IFI30: variants seen among roughly 807,000 people sequenced by gnomAD.
IFI30 encodes IFI30 lysosomal thiol reductase, also known as gamma-interferon-inducible lysosomal thiol reductase.
A neutral mutation model predicts 30.1 loss-of-function variants in IFI30; 26 were observed. The observed-to-expected ratio is 0.87, with a 90% CI of 0.63 to 1.20. The LOEUF (loss-of-function observed/expected upper bound fraction) is 1.20. Ranked by LOEUF, IFI30 falls within the 50% of genes most tolerant of loss-of-function variation. The probability of loss-of-function intolerance (pLI) is 0.00; values close to 1 mark genes in which losing one functional copy is unlikely to be tolerated. For missense variants in IFI30, 296 were observed against 312.5 expected (o/e 0.95, Z 0.40); for synonymous variants, 149 against 134.5 (o/e 1.11, Z -0.75).
rs71336666 is a variant in IFI30 at position 18,176,141 on chromosome 19, C to CTTT, written c.483+473_483+475dup. On this transcript the variant is annotated intron_variant, in intron 4 of 6. Transcript: ENST00000407280. ...CAGGCGTGAGCCACCGCACCCAGCC[C>CTTT]TTTTTTTTTTTTTTTTTTTTTTTTT... Among the ~76,000 whole-genome samples the CTTT allele has an allele frequency of 1.7e-3, 97 of 56,450 alleles. 9 individuals carry two copies. The highest frequency in any genetic ancestry group is 8.8e-3 in the East Asian group (21 of 2,396). 37.0% of individuals were successfully genotyped at this position (56,450 alleles called of 152,430 possible).
intron 4 of IFI30, among the ~76,000 whole-genome samples, chr19:18,176,669 G>A (rs1967273448): frequency 1.3e-5 from 2 of 152,176 alleles, no homozygotes; most frequent in African/African-American, 4.8e-5. Flanking sequence ...TCCCAGAGAA[G>A]TGACTCATTG....
At chr19:18,177,411 G>A in intron 5 of IFI30, 119 bp downstream of exon 5, 6 of 1,146,726 alleles carry the variant, frequency 5.2e-6, no homozygotes, top group Non-Finnish European at 6.1e-6. Flanking sequence ...CTGAGATCAT[G>A]CCACTGCACT....
chr19:18,175,653 G>A lies in IFI30; in HGVS notation c.439G>A (p.Val147Ile), dbSNP rs959329124. The A allele has an allele frequency of 1.2e-6, 2 of 1,610,666 alleles. No homozygotes were observed. The highest frequency in any genetic ancestry group is 1.7e-6 in the Non-Finnish European group (2 of 1,178,580). The change falls in exon 4 of 7, where the codon GTC (valine) becomes ATC (isoleucine). Residue 147 changes from valine to isoleucine, a missense_variant. Coordinates refer to ENST00000407280, the MANE Select transcript of IFI30 (RefSeq NM_006332.5). ...LDMELAFLTIVCMEEFEDMER... is the reference protein window; with the variant it reads ...LDMELAFLTIICMEEFEDMER... The stretch of plus-strand genomic sequence containing the variant: ...CATGGAGCTAGCCTTCCTGACCATT[G>A]TCTGCATGGAAGAGTTTGAGGACAT...
intron 1 of IFI30, chr19:18,174,418 T>A (rs1438513050): frequency 1.9e-5 from 3 of 160,554 alleles, no homozygotes; most frequent in African/African-American, 7.2e-5. Flanking sequence ...CTGAGCGACT[T>A]GCTCACCGCT....
rs149723974 is a variant in IFI30 at position 18,175,706 on chromosome 19, C to G, written c.483+9C>G. ...AGAGAAGTCTGCCACTAGTGAGTGA[C>G]GCCCCTCACTCCACCCAAGGAGGGG... is the stretch of plus-strand genomic sequence containing the variant. On this transcript the variant is annotated intron_variant, in intron 4 of 6. Coordinates refer to ENST00000407280, the MANE Select transcript of IFI30 (RefSeq NM_006332.5). 1 of 1,591,310 alleles carries G rather than the reference C, an allele frequency of 6.3e-7. No homozygotes were observed. Among genetic ancestry groups the G allele is most frequent in the Non-Finnish European group, 8.6e-7 (1 of 1,166,966 alleles).
In IFI30 at chr19:18,173,965, A is replaced by C. The variant is rs1168896944; in HGVS notation, c.124A>C (p.Asn42His). ...LDFFGNGPPV[N>H]YKTGNLYLRG... is the part of the protein sequence containing the mutation. Reference sequence around the variant, plus strand: ...CTTCTTTGGGAATGGGCCACCAGTTAACTACAAGGTAGGGACGGCGACAGG... The same window carrying C: ...CTTCTTTGGGAATGGGCCACCAGTTCACTACAAGGTAGGGACGGCGACAGG... Residue 42 changes from asparagine to histidine, a missense_variant, in exon 1 of 7, where the codon AAC becomes CAC. Asn to His is a moderately conservative substitution (Grantham distance 68, BLOSUM62 1). Coordinates refer to ENST00000407280, the MANE Select transcript of IFI30 (RefSeq NM_006332.5). 1.3e-6 allele frequency: 2 copies of C among 1,550,926 alleles called. No homozygotes were observed. The highest frequency in any genetic ancestry group is 1.7e-6 in the Non-Finnish European group (2 of 1,146,956).
chr19:18,178,108 T>C lies in IFI30; in HGVS notation c.*197T>C. 2 of 608,912 alleles carry C rather than the reference T, an allele frequency of 3.3e-6. No individual in the cohort carries two copies. The highest frequency in any genetic ancestry group is 5.8e-6 in the Non-Finnish European group (2 of 342,558). 37.7% of individuals were successfully genotyped at this position (608,912 alleles called of 1,614,324 possible). A position where few individuals can be genotyped will look rare whatever the true frequency, so the allele number is the denominator to read the frequency against. ...AAGAATGGTGCTAAAGTAAAACTAG[T>C]TTAATAAGCCCTTCTGGATGGTGTA... On this transcript the variant is annotated 3_prime_UTR_variant, in exon 7 of 7. Coordinates refer to ENST00000407280, the MANE Select transcript of IFI30 (RefSeq NM_006332.5).
At chr19:18,174,219 G>A (rs1239987748) in intron 1 of IFI30, 1 of 466,200 alleles carries the variant, frequency 2.1e-6, no homozygotes, top group African/African-American at 2.0e-5. Context: ...TCCCGCCCAA[G>A]GGTTCAATGA....
Position 18,175,588 on chromosome 19 carries a change from C to T in IFI30, c.391-17C>T, listed in dbSNP as rs1273630826. On this transcript the variant is annotated splice_polypyrimidine_tract_variant and intron_variant, in intron 3 of 6. Transcript: ENST00000407280. ...GGCCCTCTTCATGCCCTCTCCTGCC[C>T]CCTCTCCAAACCCCAGGCCTGCGTG... 1.3e-6 allele frequency: 2 copies of T among 1,598,344 alleles called. No homozygotes were observed. Among genetic ancestry groups the T allele is most frequent in the Non-Finnish European group, 1.7e-6 (2 of 1,172,204 alleles).
At chr19:18,174,099 G>A in intron 1 of IFI30, 126 bp downstream of exon 1, 1 of 945,736 alleles carries the variant, frequency 1.1e-6, no homozygotes, top group South Asian at 1.8e-5. Flanking sequence ...GTCCCTGCCG[G>A]GTTCCTGGAA....
At position 18,177,990 on chromosome 19, in the gene IFI30, G is replaced by T. The variant is rs1967294167; in HGVS notation, c.*79G>T. ...GCCTTTTTTTCTGATCCAGACCCTCGGCACCTGCTACTTACCAACTGGAAA... is the reference window on the plus strand; with the variant it reads ...GCCTTTTTTTCTGATCCAGACCCTCTGCACCTGCTACTTACCAACTGGAAA... On this transcript the variant is annotated 3_prime_UTR_variant, in exon 7 of 7. Coordinates refer to ENST00000407280, the MANE Select transcript of IFI30 (RefSeq NM_006332.5). 2.1e-6 allele frequency: 3 copies of T among 1,438,604 alleles called. No homozygotes were observed. Among genetic ancestry groups the T allele is most frequent in the Non-Finnish European group, 2.9e-6 (3 of 1,047,608 alleles). 89.1% of individuals were successfully genotyped at this position (1,438,604 alleles called of 1,614,324 possible).
intron 3 of IFI30, 97 bp from the exon 4 acceptor site, chr19:18,175,508 C>T: frequency 7.2e-7 from 1 of 1,391,594 alleles, no homozygotes; most frequent in Non-Finnish European, 1.0e-6. Context: ...ATCTTTATTC[C>T]CTATCTCCTG....
chr19:18,177,323 C>G, intron 5 of IFI30, 31 bp downstream of exon 5: 1 of 1,560,586 alleles, frequency 6.4e-7, no homozygotes, highest in South Asian at 1.2e-5. Context: ...CAGCTTGACA[C>G]TCATAGTCCC....
rs1399770396 is a variant in IFI30, at chr19:18,175,761, G to C, written c.483+64G>C. On this transcript the variant is annotated intron_variant, in intron 4 of 6. Transcript: ENST00000407280. The stretch of plus-strand genomic sequence containing the variant: ...TGGGTGGTAACCTTCCCTGCATCCA[G>C]GCAGACCCAAATTCAAGTCCTAGCC... 4.7e-6 allele frequency: 6 copies of C among 1,286,650 alleles called. No individual in the cohort carries two copies. In the East Asian group the frequency reaches 1.5e-4, roughly 32 times the overall value. The allele number at this position is 1,286,650 out of a possible 1,614,324, so 79.7% of individuals were successfully genotyped here. A position where few individuals can be genotyped will look rare whatever the true frequency, so the allele number is the denominator to read the frequency against.
Position 18,173,961 on chromosome 19 carries a change from A to G in IFI30, c.120A>G (p.Pro40=), listed in dbSNP as rs757222810. ...TAGACTTCTTTGGGAATGGGCCACCAGTTAACTACAAGGTAGGGACGGCGA... is the reference window on the plus strand; with the variant it reads ...TAGACTTCTTTGGGAATGGGCCACCGGTTAACTACAAGGTAGGGACGGCGA... The part of the protein sequence containing the change: ...QALDFFGNGP[P]VNYKTGNLYL... Residue 40 remains proline, a synonymous_variant, in exon 1 of 7, where the codon CCA becomes CCG. Coordinates refer to ENST00000407280, the MANE Select transcript of IFI30 (RefSeq NM_006332.5). The G allele has an allele frequency of 1.9e-6, 3 of 1,551,090 alleles. No individual in the cohort carries two copies. The highest frequency in any genetic ancestry group is 2.6e-6 in the Non-Finnish European group (3 of 1,147,020).
intron 3 of IFI30, 77 bp from the exon 4 acceptor site, chr19:18,175,528 T>C (rs1259836039): frequency 1.4e-6 from 2 of 1,422,338 alleles, no homozygotes; most frequent in Non-Finnish European, 9.7e-7. Context: ...GGGTGGGTAC[T>C]GGTGATTATT....
chr19:18,174,365 G>C (rs1967237438), intron 1 of IFI30: 1 of 182,656 alleles, frequency 5.5e-6, no homozygotes, highest in African/African-American at 2.4e-5. Flanking sequence ...GCCAGGGCAG[G>C]GCTCGCGTGT....
chr19:18,176,674 T>C (rs1967273504), intron 4 of IFI30, among the ~76,000 whole-genome samples: 1 of 152,142 alleles, frequency 6.6e-6, no homozygotes, highest in Non-Finnish European at 1.5e-5. Flanking sequence ...GAGAAGTGAC[T>C]CATTGGCTCC....
In IFI30 at chr19:18,177,178, T is replaced by G; in HGVS notation, c.522T>G (p.Thr174=). ...QLYAPGLSPD[T]IMECAMGDRG... is the part of the protein sequence containing the mutation. ...ACGCCCCAGGGCTGTCGCCAGACAC[T>G]ATCATGGAGTGTGCAATGGGGGACC... The change falls in exon 5 of 7, where the codon ACT becomes ACG. Residue 174 remains threonine (T), a synonymous_variant. Coordinates refer to ENST00000407280, the MANE Select transcript of IFI30 (RefSeq NM_006332.5). 2 of 1,553,078 alleles carry G rather than the reference T, an allele frequency of 1.3e-6. No individual in the cohort carries two copies. Among genetic ancestry groups the G allele is most frequent in the Non-Finnish European group, 1.7e-6 (2 of 1,146,318 alleles).
Sources: gnomAD v4.1 joint callset for allele counts (sites outside exome capture counted in the v4.1 genomes callset) on GRCh38, gnomAD v4.1.1 for gene constraint, MANE v1.5 for transcripts, NCBI Gene and HGNC (gene_info 2026-07-23, HGNC 2026-07-21) for gene names.